The following DOCK7 variants were observed in gnomAD, a reference collection of about 807,000 sequenced individuals.
The protein encoded by DOCK7 is dedicator of cytokinesis protein 7.
A neutral mutation model predicts 271.0 loss-of-function variants in DOCK7; 138 were observed. The ratio of observed to expected loss-of-function variants is 0.51; its 90% confidence interval spans 0.44 to 0.59. The LOEUF (loss-of-function observed/expected upper bound fraction) is 0.59. Ranked by LOEUF, DOCK7 falls within the 20% of genes least tolerant of loss-of-function variation. DOCK7 has a pLI of 0.00. For missense variants in DOCK7, 2,066 were observed against 2,592.4 expected (o/e 0.80, Z 4.41); for synonymous variants, 823 against 876.1 (o/e 0.94, Z 1.07).
chr1:62,634,581 C>A (rs1459991461), intron 9 of DOCK7, 192 bp downstream of exon 9: 66 of 465,746 alleles, frequency 1.4e-4, no homozygotes, highest in Non-Finnish European at 9.8e-5. Context: ...TTCTGTTTCA[C>A]TGGAGAATTC....
intron 10 of DOCK7, 90 bp from the exon 11 acceptor site, chr1:62,631,495 A>G (rs1654624050): frequency 8.5e-7 from 1 of 1,178,202 alleles, no homozygotes; most frequent in African/African-American, 1.6e-5. Flanking sequence ...AAAGGATGAG[A>G]AGTCTCAATT....
chr1:62,510,017 A>G (rs1644437215), intron 34 of DOCK7, among the ~76,000 whole-genome samples: 2 of 152,192 alleles, frequency 1.3e-5, no homozygotes, highest in African/African-American at 4.8e-5. Flanking sequence ...TATAATTAGA[A>G]ATTCTCAAGA....
intron 48 of DOCK7, among the ~76,000 whole-genome samples, chr1:62,468,173 C>T (rs2149245612): frequency 6.6e-6 from 1 of 152,012 alleles, no homozygotes; most frequent in South Asian, 2.1e-4. Context: ...CCAGCCTGGC[C>T]AGCATGGTGA....
At chr1:62,485,308 A>T in intron 43 of DOCK7, 2 of 985,376 alleles carry the variant, frequency 2.0e-6, no homozygotes, top group Non-Finnish European at 2.4e-6. Flanking sequence ...CATGGTAAAG[A>T]CTTTACTGAA....
rs572949484 is a variant in DOCK7 at position 62,509,032 on chromosome 1, C to T, written c.4380-974G>A. On this transcript the variant is annotated intron_variant, in intron 34 of 49. Coordinates refer to ENST00000635253, the MANE Select transcript of DOCK7 (RefSeq NM_001367561.1). ...TTTATTATTACCACTAAAGAGAATA[C>T]TTCATTAATTTACAGTTTACAAATT... 5.9e-5 allele frequency among the ~76,000 whole-genome samples: 9 copies of T among 152,140 alleles called. No individual in the cohort carries two copies. The East Asian group carries it at 1.7e-3, about 29-fold the overall frequency.
chr1:62,682,386 G>A (rs1439894875), intron 1 of DOCK7, among the ~76,000 whole-genome samples: 5 of 152,300 alleles, frequency 3.3e-5, no homozygotes, highest in East Asian at 1.9e-4. Flanking sequence ...GATGTCCAAC[G>A]CAGCTTGGTG....
chr1:62,458,160 T>G (rs1311475718), intron 48 of DOCK7: 2 of 98,450 alleles, frequency 2.0e-5, no homozygotes, highest in African/African-American at 4.2e-5. Context: ...AACGTGGGTG[T>G]GTGTGTGTGT....
At chr1:62,625,830 T>G (rs1022195571) in intron 11 of DOCK7, among the ~76,000 whole-genome samples, 1 of 152,128 alleles carries the variant, frequency 6.6e-6, no homozygotes, top group Admixed American at 6.6e-5. Flanking sequence ...CCAACAGAAC[T>G]AGACTGAAGA....
intron 14 of DOCK7, chr1:62,609,264 T>A (rs981220390): frequency 6.6e-6 from 1 of 152,182 alleles, no homozygotes; most frequent in East Asian, 1.9e-4. Context: ...AAATATAAAA[T>A]AAACTTAAGA....
chr1:62,578,001 G>A (rs1408405709), intron 17 of DOCK7, among the ~76,000 whole-genome samples: 1 of 151,652 alleles, frequency 6.6e-6, no homozygotes, highest in Non-Finnish European at 1.5e-5. Context: ...TTGGCTCACT[G>A]CAACCTCTGC....
intron 24 of DOCK7, among the ~76,000 whole-genome samples, 194 bp from the exon 25 acceptor site, chr1:62,542,897 G>A (rs992737304): frequency 2.0e-5 from 3 of 152,128 alleles, no homozygotes; most frequent in Admixed American, 6.5e-5. Flanking sequence ...ATGTGGAACA[G>A]CTGAAAAAAT....
At chr1:62,604,271 T>A in intron 14 of DOCK7, 1 of 1,606,658 alleles carries the variant, frequency 6.2e-7, no homozygotes, top group East Asian at 2.2e-5. Context: ...TATTTTCATA[T>A]CTTCAAAGTA....
chr1:62,500,744 T>C (rs920218936), intron 37 of DOCK7, among the ~76,000 whole-genome samples: 2 of 152,236 alleles, frequency 1.3e-5, no homozygotes, highest in African/African-American at 2.4e-5. Context: ...GTACCCTTTT[T>C]TTCCTATGAG....
intron 43 of DOCK7, chr1:62,485,472 T>C (rs1482839751): frequency 1.2e-5 from 12 of 985,254 alleles, no homozygotes; most frequent in Non-Finnish European, 1.2e-5. Flanking sequence ...TCCTGTAAGT[T>C]GGGGAGCAAG....
intron 37 of DOCK7, among the ~76,000 whole-genome samples, chr1:62,499,131 T>C (rs1414878438): frequency 6.6e-6 from 1 of 152,348 alleles, no homozygotes; most frequent in East Asian, 1.9e-4. Context: ...CACTGCCTGA[T>C]ACTAATACTA....
intron 12 of DOCK7, among the ~76,000 whole-genome samples, chr1:62,624,084 C>A (rs1301057537): frequency 6.6e-6 from 1 of 152,182 alleles, no homozygotes; most frequent in African/African-American, 2.4e-5. Context: ...TACGCTAATA[C>A]AAATTTTCTC....
At chr1:62,523,909 G>A (rs1644924357) in intron 31 of DOCK7, among the ~76,000 whole-genome samples, 1 of 151,710 alleles carries the variant, frequency 6.6e-6, no homozygotes, top group Admixed American at 6.6e-5. Flanking sequence ...ATAAAATTAG[G>A]CATTCTAACC....
chr1:62,565,520 C>T (rs535306198), intron 18 of DOCK7, among the ~76,000 whole-genome samples: 8 of 152,232 alleles, frequency 5.3e-5, no homozygotes, highest in South Asian at 2.1e-4. Flanking sequence ...CCCCTTCATG[C>T]TAAAAACTCT....
chr1:62,598,760 A>G, intron 14 of DOCK7: 1 of 1,611,020 alleles, frequency 6.2e-7, no homozygotes, highest in Non-Finnish European at 8.5e-7. Flanking sequence ...GACCAATATA[A>G]ACAATTAAAC....
Sources: gnomAD v4.1 joint callset for allele counts (sites outside exome capture counted in the v4.1 genomes callset) on GRCh38, gnomAD v4.1.1 for gene constraint, MANE v1.5 for transcripts, NCBI Gene and HGNC (gene_info 2026-07-23, HGNC 2026-07-21) for gene names.